Variants in UNC80 observed in about 807,000 individuals in gnomAD.
The protein encoded by UNC80 is protein unc-80 homolog.
A neutral mutation model predicts 384.6 loss-of-function variants in UNC80; 164 were observed. The observed-to-expected ratio is 0.43, with a 90% CI of 0.38 to 0.49. UNC80 has a LOEUF of 0.49. UNC80 is among the 20% of genes least tolerant of loss of function. The pLI, the probability that UNC80 is intolerant of heterozygous loss-of-function variation, is 0.00. For missense variants in UNC80, 3,330 were observed against 4,143.0 expected, an observed-to-expected ratio of 0.80 and a Z score of 5.39; for synonymous variants, 1,486 against 1,527.8, an observed-to-expected ratio of 0.97 and a Z score of 0.64.
chr2:209,848,481 T>C (rs2082309493), intron 21 of UNC80, among the ~76,000 whole-genome samples: 1 of 152,134 alleles, frequency 6.6e-6, no homozygotes, highest in South Asian at 2.1e-4. Flanking sequence ...AGGCAAAAAG[T>C]AAAGAGAATG....
intron 14 of UNC80, among the ~76,000 whole-genome samples, chr2:209,828,195 A>G (rs181020337): frequency 2.0e-5 from 3 of 152,292 alleles, no homozygotes; most frequent in African/African-American, 7.2e-5. Context: ...GCTGCAATAA[A>G]CATCTTCACA....
chr2:209,825,417 A>C, intron 13 of UNC80, among the ~76,000 whole-genome samples: 1 of 152,202 alleles, frequency 6.6e-6, no homozygotes, highest in East Asian at 1.9e-4. Context: ...ATACAGTGAA[A>C]GTATACAATT....
intron 48 of UNC80, among the ~76,000 whole-genome samples, chr2:209,956,311 C>CTAAT (rs1553613841): frequency 2.6e-5 from 4 of 152,246 alleles, no homozygotes; most frequent in Admixed American, 6.5e-5. Flanking sequence ...TAAGAATTCT[C>CTAAT]TGCTCAGGGT....
Position 209,936,902 on chromosome 2 carries a change from A to G in UNC80, c.6332A>G (p.Asp2111Gly). The G allele has an allele frequency of 2.6e-6, 4 of 1,551,120 alleles. No homozygotes were observed. The highest frequency in any genetic ancestry group is 3.5e-6 in the Non-Finnish European group (4 of 1,146,490). ...CAGTCAACACATTATTTTCTTATGG[A>G]TAAACGATGGAACCTTATCCACTAC... is the stretch of plus-strand genomic sequence containing the variant. ...ESQSTHYFLM[D>G]KRWNLIHYNK... Residue 2111 changes from aspartate to glycine, a missense_variant, in exon 41 of 65, where the codon GAT becomes GGT. By Grantham distance (94) the Asp-to-Gly change is moderately conservative (BLOSUM62 -1). Around this residue, in one of 8 missense-constraint regions of UNC80, gnomAD observed 1,049 missense variants for 1,488.6 expected, o/e 0.70. Coordinates refer to ENST00000673920, the MANE Select transcript of UNC80 (RefSeq NM_001371986.1).
intron 26 of UNC80, among the ~76,000 whole-genome samples, chr2:209,891,474 A>G (rs866100822): frequency 4.6e-5 from 7 of 152,128 alleles, no homozygotes; most frequent in Middle Eastern, 3.2e-3. Flanking sequence ...TTATTATGCT[A>G]ATTATATTTA....
At chr2:209,887,257 T>C (rs1328226190) in intron 25 of UNC80, among the ~76,000 whole-genome samples, 1 of 152,130 alleles carries the variant, frequency 6.6e-6, no homozygotes, top group Non-Finnish European at 1.5e-5. Context: ...CAGGCTGGTC[T>C]CAAACTGCCG....
intron 8 of UNC80, 56 bp downstream of exon 8, chr2:209,813,897 C>A: frequency 6.6e-7 from 1 of 1,523,442 alleles, no homozygotes. Context: ...ATAATGGATT[C>A]TTTTTTTCTC....
intron 48 of UNC80, among the ~76,000 whole-genome samples, chr2:209,955,492 A>G (rs966372181): frequency 2.6e-5 from 4 of 151,846 alleles, no homozygotes; most frequent in African/African-American, 9.7e-5. Flanking sequence ...ACAGACAGCC[A>G]TGACAAATTA....
In UNC80 at chr2:209,959,590, T is replaced by A; in HGVS notation, c.7688T>A (p.Leu2563Gln). 6.4e-7 allele frequency: 1 copy of A among 1,551,736 alleles called. No homozygotes were observed. Reference sequence around the variant, plus strand: ...TTCAGAAGACCCCGGGAGTCCTTACTGAATATTTGCACTGAGTTCTATAAG... The same window carrying A: ...TTCAGAAGACCCCGGGAGTCCTTACAGAATATTTGCACTGAGTTCTATAAG... ...EEFRRPRESL[L>Q]NICTEFYKHC... Residue 2563 changes from leucine to glutamine, a missense_variant, in exon 51 of 65, where the codon CTG becomes CAG. Physicochemically the swap from Leu to Gln is moderately radical, Grantham distance 113. Around this residue, in one of 8 missense-constraint regions of UNC80, gnomAD observed 1,049 missense variants for 1,488.6 expected, o/e 0.70. Coordinates refer to ENST00000673920, the MANE Select transcript of UNC80 (RefSeq NM_001371986.1).
At chr2:209,773,870 T>C (rs1036522071) in intron 2 of UNC80, among the ~76,000 whole-genome samples, 1 of 152,236 alleles carries the variant, frequency 6.6e-6, no homozygotes, top group African/African-American at 2.4e-5. Context: ...TGTTAATATT[T>C]ATACAAAATA....
intron 46 of UNC80, among the ~76,000 whole-genome samples, chr2:209,945,520 A>T (rs1470021733): frequency 1.3e-5 from 2 of 152,204 alleles, no homozygotes; most frequent in Admixed American, 6.5e-5. Context: ...GTCTTTTATT[A>T]TCATGGAATG....
At position 209,997,663 on chromosome 2, in the gene UNC80, T is replaced by TGAAGTCTATTAG. The variant is rs1360709993; in HGVS notation, c.*2069_*2080dup. 2 of 152,220 alleles carry TGAAGTCTATTAG rather than the reference T, an allele frequency of 1.3e-5. No homozygotes were observed. Among genetic ancestry groups the TGAAGTCTATTAG allele is most frequent in the Non-Finnish European group, 2.9e-5 (2 of 68,032 alleles). The allele number at this position is 152,220 out of a possible 1,614,324, so 9.4% of individuals were successfully genotyped here. ...AGCCTGACTCCTTCACTCTTGTGTG[T>TGAAGTCTATTAG]GAAGTCTATTAGCAACTTTCAATAA... On this transcript the variant is annotated 3_prime_UTR_variant, in exon 65 of 65. Transcript: ENST00000673920.
At chr2:209,810,612 A>G (rs1005121082) in intron 7 of UNC80, among the ~76,000 whole-genome samples, 7 of 152,088 alleles carry the variant, frequency 4.6e-5, no homozygotes, top group African/African-American at 1.7e-4. Context: ...TGGTTATCTC[A>G]TATGGAGCAC....
At chr2:209,986,815 A>G (rs1179308477) in intron 61 of UNC80, among the ~76,000 whole-genome samples, 2 of 152,210 alleles carry the variant, frequency 1.3e-5, no homozygotes, top group African/African-American at 2.4e-5. Context: ...CTCTTGAACT[A>G]CATCACGTCA....
chr2:209,787,251 A>G (rs989021348), intron 5 of UNC80, among the ~76,000 whole-genome samples: 11 of 130,158 alleles, frequency 8.5e-5, no homozygotes, highest in East Asian at 5.1e-4. Context: ...TTTACTCACA[A>G]TTTGAATGAG....
In UNC80 at chr2:209,822,304, T is replaced by G. The variant is rs1160556394; in HGVS notation, c.2331+1625T>G. Among the ~76,000 whole-genome samples the G allele has an allele frequency of 2.0e-5, 3 of 152,232 alleles. No individual in the cohort carries two copies. In the East Asian group the frequency reaches 5.8e-4, roughly 29 times the overall value. The stretch of plus-strand genomic sequence containing the variant: ...CAATGCAAGGAACTTCAGATCTGAC[T>G]GTAAATGAAAATTATCTAAATAATG... On this transcript the variant is annotated intron_variant, in intron 13 of 64. Transcript: ENST00000673920.
At chr2:209,955,175 A>G (rs1264186299) in intron 48 of UNC80, among the ~76,000 whole-genome samples, 1 of 151,988 alleles carries the variant, frequency 6.6e-6, no homozygotes, top group Non-Finnish European at 1.5e-5. Context: ...TGTGTGTCCA[A>G]TCTAAAGTGC....
At chr2:209,818,413 G>A (rs975611746) in intron 11 of UNC80, among the ~76,000 whole-genome samples, 1 of 151,856 alleles carries the variant, frequency 6.6e-6, no homozygotes, top group Non-Finnish European at 1.5e-5. Context: ...TGTGTCTCTG[G>A]GTATAATCCA....
chr2:209,834,155 G>A lies in UNC80; in HGVS notation c.2929G>A (p.Ala977Thr), dbSNP rs1433632762. ...VEENEQESKPAGSKRSEAGSI... is the reference protein window; with the variant it reads ...VEENEQESKPTGSKRSEAGSI... Reference sequence around the variant, plus strand: ...GGAGAATGAACAGGAATCTAAGCCTGCAGGCAGTAAAAGGTTGGAAGCTTG... The same window carrying A: ...GGAGAATGAACAGGAATCTAAGCCTACAGGCAGTAAAAGGTTGGAAGCTTG... The change falls in exon 17 of 65, where the codon GCA becomes ACA. Residue 977 changes from alanine to threonine, a missense_variant. Ala to Thr is a moderately conservative substitution (Grantham distance 58). Coordinates refer to ENST00000673920, the MANE Select transcript of UNC80 (RefSeq NM_001371986.1). The A allele has an allele frequency of 1.9e-5, 29 of 1,551,392 alleles. No individual in the cohort carries two copies. Among genetic ancestry groups the A allele is most frequent in the Non-Finnish European group, 2.1e-5 (24 of 1,146,880 alleles).
Sources: allele counts gnomAD v4.1 joint callset (sites outside exome capture counted in the v4.1 genomes callset), GRCh38; gene constraint gnomAD v4.1.1; regional missense constraint gnomAD v4.1.1; transcripts MANE v1.5; gene names NCBI Gene and HGNC (gene_info 2026-07-23, HGNC 2026-07-21).